The following LRMDA variants were observed in gnomAD, a reference collection of about 807,000 sequenced individuals.
LRMDA encodes the protein leucine rich melanocyte differentiation associated.
LRMDA carries 18 observed loss-of-function variants against 29.8 expected under a neutral mutation model. The ratio of observed to expected loss-of-function variants is 0.60; its 90% CI spans 0.42 to 0.90. LRMDA has a LOEUF of 0.90. LRMDA is among the 40% of genes least tolerant of loss of function. The pLI, the probability that LRMDA is intolerant of heterozygous loss-of-function variation, is 0.00. For synonymous variants in LRMDA, 125 were observed against 109.4 expected (o/e 1.14, Z -0.89); for missense variants, 273 against 273.9 (o/e 1.00, Z 0.02).
intron 5 of LRMDA, among the ~76,000 whole-genome samples, chr10:76,144,470 C>T (rs1416406238): frequency 6.6e-6 from 1 of 152,036 alleles, no homozygotes; most frequent in Non-Finnish European, 1.5e-5. Flanking sequence ...AATGGGAGTT[C>T]ACTCATGATT....
chr10:75,728,119 A>G (rs1842651616), intron 2 of LRMDA, among the ~76,000 whole-genome samples: 2 of 152,226 alleles, frequency 1.3e-5, no homozygotes, highest in South Asian at 4.1e-4. Context: ...AGAGGTTCCC[A>G]ACTTTGCCAG....
At chr10:76,236,385 A>T (rs1852152509) in intron 5 of LRMDA, among the ~76,000 whole-genome samples, 1 of 152,186 alleles carries the variant, frequency 6.6e-6, no homozygotes, top group Non-Finnish European at 1.5e-5. Context: ...TGACACTACA[A>T]TCATAAGGTT....
At chr10:75,999,857 C>T (rs192038286) in intron 2 of LRMDA, among the ~76,000 whole-genome samples, 7 of 152,208 alleles carry the variant, frequency 4.6e-5, no homozygotes, top group Admixed American at 1.3e-4. Context: ...CTATTGTATG[C>T]GGGAGTACTT....
chr10:76,292,540 A>T (rs1294515766), intron 5 of LRMDA, among the ~76,000 whole-genome samples: 1 of 152,324 alleles, frequency 6.6e-6, no homozygotes, highest in East Asian at 1.9e-4. Context: ...CTCATGTTGT[A>T]GCCAGGAATA....
intron 1 of LRMDA, among the ~76,000 whole-genome samples, chr10:75,438,072 C>T (rs980339306): frequency 2.0e-5 from 3 of 152,114 alleles, no homozygotes; most frequent in African/African-American, 7.2e-5. Flanking sequence ...AGTGAGAGGG[C>T]GATTGTTGCG....
chr10:75,554,073 G>A (rs1387394483), intron 2 of LRMDA, among the ~76,000 whole-genome samples: 2 of 152,086 alleles, frequency 1.3e-5, no homozygotes, highest in African/African-American at 4.8e-5. Context: ...ATCTGTTCTT[G>A]GAGGGACTAG....
intron 6 of LRMDA, among the ~76,000 whole-genome samples, chr10:76,551,173 T>A (rs753687557): frequency 6.6e-6 from 1 of 152,224 alleles, no homozygotes; most frequent in Non-Finnish European, 1.5e-5. Flanking sequence ...TTCAACTAGA[T>A]GTTGTGATTG....
intron 2 of LRMDA, among the ~76,000 whole-genome samples, chr10:75,645,469 T>G (rs1841506703): frequency 6.8e-6 from 1 of 147,538 alleles, no homozygotes. Context: ...GGTGGGTTGG[T>G]GGGGGGTGGG....
At chr10:76,409,905 A>G (rs1019703086) in intron 6 of LRMDA, among the ~76,000 whole-genome samples, 3 of 152,230 alleles carry the variant, frequency 2.0e-5, no homozygotes, top group African/African-American at 7.2e-5. Flanking sequence ...CAATATGGTA[A>G]CAGCTTTATA....
intron 5 of LRMDA, among the ~76,000 whole-genome samples, chr10:76,236,032 C>T (rs1276278597): frequency 6.6e-6 from 1 of 152,024 alleles, no homozygotes; most frequent in African/African-American, 2.4e-5. Flanking sequence ...AATAACCATC[C>T]CAAAGAAGTC....
intron 2 of LRMDA, among the ~76,000 whole-genome samples, chr10:75,869,150 T>G (rs1272587663): frequency 6.6e-6 from 1 of 152,176 alleles, no homozygotes; most frequent in African/African-American, 2.4e-5. Flanking sequence ...TTCTAGAACA[T>G]TTTCACATCC....
chr10:76,150,700 T>C (rs1232950161), intron 5 of LRMDA, among the ~76,000 whole-genome samples: 1 of 152,184 alleles, frequency 6.6e-6, no homozygotes, highest in African/African-American at 2.4e-5. Flanking sequence ...CTGTTGTGTT[T>C]AAATCCCCCC....
intron 6 of LRMDA, among the ~76,000 whole-genome samples, chr10:76,377,222 G>A (rs993182483): frequency 1.3e-5 from 2 of 151,960 alleles, no homozygotes; most frequent in African/African-American, 4.8e-5. Flanking sequence ...CATATCCTTT[G>A]CCTACCTTTT....
At position 76,078,156 on chromosome 10, in the gene LRMDA, G is replaced by A. The variant is rs147082107; in HGVS notation, c.516+19373G>A. Reference sequence around the variant, plus strand: ...CTCCCAAGTAGCTGGGACTACAGGCGTCCACCACGAGTCCGGCTAATTTTT... The same window carrying A: ...CTCCCAAGTAGCTGGGACTACAGGCATCCACCACGAGTCCGGCTAATTTTT... On this transcript the variant is annotated intron_variant, in intron 5 of 6. Coordinates refer to ENST00000611255, the MANE Select transcript of LRMDA (RefSeq NM_001305581.2). Among the ~76,000 whole-genome samples the A allele has an allele frequency of 9.2e-3, 1,400 of 151,392 alleles. 38 individuals carry two copies. Among genetic ancestry groups the A allele is most frequent in the East Asian group, 0.081 (413 of 5,104 alleles).
chr10:75,678,953 A>G (rs1345500662), intron 2 of LRMDA, among the ~76,000 whole-genome samples: 2 of 152,190 alleles, frequency 1.3e-5, no homozygotes, highest in Non-Finnish European at 2.9e-5. Flanking sequence ...ATAGCATGGT[A>G]GGTTTCAGCA....
intron 2 of LRMDA, among the ~76,000 whole-genome samples, chr10:76,024,856 C>G (rs1848034209): frequency 6.6e-6 from 1 of 152,190 alleles, no homozygotes; most frequent in South Asian, 2.1e-4. Flanking sequence ...TTCAAGCAAA[C>G]AGTTCATGAG....
intron 5 of LRMDA, among the ~76,000 whole-genome samples, chr10:76,272,330 C>T (rs2132322713): frequency 6.6e-6 from 1 of 152,308 alleles, no homozygotes; most frequent in African/African-American, 2.4e-5. Flanking sequence ...TGGGGCATTG[C>T]TCTCACAGTT....
intron 6 of LRMDA, among the ~76,000 whole-genome samples, chr10:76,421,489 A>G (rs1427647143): frequency 6.6e-6 from 1 of 152,200 alleles, no homozygotes; most frequent in Non-Finnish European, 1.5e-5. Flanking sequence ...TGATATATAG[A>G]CTATTTAACA....
chr10:75,927,269 C>T (rs1846135162), intron 2 of LRMDA, among the ~76,000 whole-genome samples: 1 of 152,196 alleles, frequency 6.6e-6, no homozygotes, highest in Non-Finnish European at 1.5e-5. Context: ...CTTTTCCTAA[C>T]TCCCTGGGGC....
Sources: gnomAD v4.1 joint callset for allele counts (sites outside exome capture counted in the v4.1 genomes callset) on GRCh38, gnomAD v4.1.1 for gene constraint, MANE v1.5 for transcripts, NCBI Gene and HGNC (gene_info 2026-07-23, HGNC 2026-07-21) for gene names.